The following TRIM9 variants were observed in gnomAD, a reference collection of about 807,000 sequenced individuals.
The protein encoded by TRIM9 is tripartite motif containing 9, also known as E3 ubiquitin-protein ligase TRIM9.
In TRIM9, 26 loss-of-function variants were observed where a neutral mutation model predicts 78.3. The observed-to-expected ratio is 0.33, with a 90% CI of 0.24 to 0.46. The LOEUF (loss-of-function observed/expected upper bound fraction) is 0.46, where lower values mean the gene tolerates loss of function less well. Ranked by LOEUF, TRIM9 falls within the 20% of genes least tolerant of loss-of-function variation. The pLI, the probability that TRIM9 is intolerant of heterozygous loss-of-function variation, is 1.00. For synonymous variants in TRIM9, 398 were observed against 416.5 expected, an observed-to-expected ratio of 0.96 and a Z score of 0.54; for missense variants, 787 against 1,036.4, an observed-to-expected ratio of 0.76 and a Z score of 3.30.
intron 1 of TRIM9, among the ~76,000 whole-genome samples, chr14:51,071,062 C>T (rs1032700003): frequency 4.0e-5 from 6 of 151,834 alleles, no homozygotes; most frequent in Admixed American, 1.3e-4. Context: ...ATGGGGACGA[C>T]AAAATAAGAA....
chr14:51,024,086 G>C (rs1304481614), intron 2 of TRIM9, among the ~76,000 whole-genome samples: 1 of 152,188 alleles, frequency 6.6e-6, no homozygotes. Context: ...CTCAGAGAAG[G>C]CCTTTGGAAA....
At chr14:51,090,374 T>C (rs922623622) in intron 1 of TRIM9, among the ~76,000 whole-genome samples, 6 of 152,246 alleles carry the variant, frequency 3.9e-5, no homozygotes, top group African/African-American at 1.4e-4. Context: ...GCTAAGCAGA[T>C]ATTTTTCTCC....
rs1258134970 is a variant in TRIM9 at position 51,000,818 on chromosome 14, G to C, written c.1329C>G (p.Thr443=). 1 of 1,614,204 alleles carries C rather than the reference G, an allele frequency of 6.2e-7. No individual in the cohort carries two copies. Among genetic ancestry groups the C allele is most frequent in the East Asian group, 2.2e-5 (1 of 44,890 alleles). Residue 443 remains threonine (T), a synonymous_variant, in exon 6 of 13, where the codon ACC becomes ACG. Coordinates refer to ENST00000684578, the MANE Select transcript of TRIM9 (RefSeq NM_001387360.1). The part of the protein sequence containing the change: ...QVKASSPVPA[T]PILQLEECCT... ...AACATTCCTCCAGCTGTAGGATAGG[G>C]GTTGCTGGGACTGGAGAGGAAGCTA...
intron 1 of TRIM9, among the ~76,000 whole-genome samples, chr14:51,045,678 G>C (rs1276179968): frequency 6.6e-6 from 1 of 152,044 alleles, no homozygotes; most frequent in Non-Finnish European, 1.5e-5. Flanking sequence ...AAAGTGAGAG[G>C]GCAGATCTAG....
chr14:51,060,633 AT>A (rs377446839), intron 1 of TRIM9, among the ~76,000 whole-genome samples: 9 of 152,096 alleles, frequency 5.9e-5, no homozygotes, highest in African/African-American at 2.2e-4. Flanking sequence ...CGCCCGGCTA[AT>A]TTTTTTGTAT....
At chr14:51,043,033 G>A (rs2059686366) in intron 1 of TRIM9, among the ~76,000 whole-genome samples, 1 of 152,220 alleles carries the variant, frequency 6.6e-6, no homozygotes, top group African/African-American at 2.4e-5. Context: ...GCTTATAAGA[G>A]GTCCTAAAAT....
intron 11 of TRIM9, among the ~76,000 whole-genome samples, chr14:50,980,109 T>C (rs1438335039): frequency 6.6e-6 from 1 of 152,212 alleles, no homozygotes; most frequent in African/African-American, 2.4e-5. Flanking sequence ...TGTTATCCAT[T>C]AAACAGAAAA....
intron 1 of TRIM9, among the ~76,000 whole-genome samples, chr14:51,027,023 T>C (rs1165702019): frequency 6.6e-6 from 1 of 152,198 alleles, no homozygotes; most frequent in Non-Finnish European, 1.5e-5. Context: ...AAGAATACTA[T>C]TCTTGGGTTT....
chr14:50,987,080 T>C (rs1306630712), intron 7 of TRIM9, among the ~76,000 whole-genome samples: 1 of 152,236 alleles, frequency 6.6e-6, no homozygotes, highest in African/African-American at 2.4e-5. Flanking sequence ...TGAAGCCTTC[T>C]TAACATTCAG....
intron 1 of TRIM9, among the ~76,000 whole-genome samples, chr14:51,074,647 G>A (rs1212959742): frequency 6.6e-6 from 1 of 152,072 alleles, no homozygotes; most frequent in Non-Finnish European, 1.5e-5. Flanking sequence ...TTCTTTCCTA[G>A]CAAGGAAATG....
At chr14:50,997,821 C>T (rs1596129857) in intron 7 of TRIM9, 9 of 1,383,260 alleles carry the variant, frequency 6.5e-6, no homozygotes, top group South Asian at 1.9e-5. Flanking sequence ...CAAAGGAAGC[C>T]GCCGGCCCAA....
intron 6 of TRIM9, among the ~76,000 whole-genome samples, 183 bp from the exon 7 acceptor site, chr14:50,998,371 G>A (rs780479451): frequency 6.6e-6 from 1 of 152,106 alleles, no homozygotes; most frequent in Non-Finnish European, 1.5e-5. Flanking sequence ...CTGTAAAATG[G>A]GATAATAATA....
intron 1 of TRIM9, among the ~76,000 whole-genome samples, chr14:51,048,857 G>A (rs1276052757): frequency 2.0e-5 from 3 of 151,872 alleles, no homozygotes; most frequent in East Asian, 2.0e-4. Context: ...GGTGATGGAC[G>A]TCTGTAGTCC....
intron 1 of TRIM9, among the ~76,000 whole-genome samples, chr14:51,075,564 G>A (rs924870775): frequency 5.9e-5 from 9 of 152,080 alleles, no homozygotes; most frequent in Non-Finnish European, 8.8e-5. Context: ...GCTGCATTTC[G>A]GAAGCACTCC....
chr14:50,985,931 G>T, intron 8 of TRIM9, 25 bp downstream of exon 8: 1 of 1,461,622 alleles, frequency 6.8e-7, no homozygotes, highest in African/African-American at 1.4e-5. Context: ...AGATCAAGGG[G>T]AAAGGTCTGA....
chr14:50,985,861 C>A lies in TRIM9; in HGVS notation c.1792+95G>T, dbSNP rs111818956. On this transcript the variant is annotated intron_variant, in intron 8 of 12. Transcript: ENST00000684578. ...CAGACAGAGACTAGCTCATCCCCCT[C>A]ACCACGCACATGAATGGCAAGAACA... The A allele has an allele frequency of 2.8e-3, 3,151 of 1,142,194 alleles. 67 individuals carry two copies. The African/African-American group carries it at 0.045, about 16-fold the overall frequency. 70.8% of individuals were successfully genotyped at this position (1,142,194 alleles called of 1,614,324 possible).
chr14:51,037,163 T>C lies in TRIM9; in HGVS notation c.823-11803A>G, dbSNP rs140787804. 1.4e-3 allele frequency among the ~76,000 whole-genome samples: 217 copies of C among 152,326 alleles called. 3 individuals are homozygous for C. Among genetic ancestry groups the C allele is most frequent in the African/African-American group, 5.0e-3 (207 of 41,596 alleles). Reference sequence around the variant, plus strand: ...TCAAAATGCTTTACTTACTAGTTACTATCTCTTGGAAATTAAGAAGCGCCA... The same window carrying C: ...TCAAAATGCTTTACTTACTAGTTACCATCTCTTGGAAATTAAGAAGCGCCA... On this transcript the variant is annotated intron_variant, in intron 1 of 12. Transcript: ENST00000684578.
At chr14:51,051,400 G>A (rs966063587) in intron 1 of TRIM9, among the ~76,000 whole-genome samples, 6 of 152,144 alleles carry the variant, frequency 3.9e-5, no homozygotes, top group Admixed American at 6.5e-5. Flanking sequence ...GACCCTCAGA[G>A]GACCTGTGAA....
chr14:51,066,789 G>A (rs1037773860), intron 1 of TRIM9, among the ~76,000 whole-genome samples: 1 of 152,202 alleles, frequency 6.6e-6, no homozygotes, highest in Non-Finnish European at 1.5e-5. Context: ...TTGCAGCTCG[G>A]CGTTTGCCTT....
Sources: gnomAD v4.1 joint callset for allele counts (sites outside exome capture counted in the v4.1 genomes callset) on GRCh38, gnomAD v4.1.1 for gene constraint, MANE v1.5 for transcripts, NCBI Gene and HGNC (gene_info 2026-07-23, HGNC 2026-07-21) for gene names.